Variants in MMP2 observed in about 807,000 individuals in gnomAD.
MMP2 encodes the protein matrix metallopeptidase 2.
MMP2 carries 39 observed loss-of-function variants against 74.8 expected under a neutral mutation model. That is an observed-to-expected ratio of 0.52 (90% CI 0.40 to 0.68). MMP2 has a LOEUF of 0.68. Among genes scored for constraint, MMP2 ranks in the 30% least tolerant of loss-of-function variants. MMP2 has a pLI of 0.00. For missense variants in MMP2, 803 were observed against 878.3 expected, an observed-to-expected ratio of 0.91 and a Z score of 1.08; for synonymous variants, 367 against 339.8, an observed-to-expected ratio of 1.08 and a Z score of -0.88.
chr16:55,499,678 G>A (rs1186977048), intron 11 of MMP2, among the ~76,000 whole-genome samples: 1 of 152,130 alleles, frequency 6.6e-6, no homozygotes, highest in Non-Finnish European at 1.5e-5. Flanking sequence ...GGAAACGGAG[G>A]TCCAAAGAAA....
At chr16:55,504,336 G>A (rs1962743239) in intron 12 of MMP2, among the ~76,000 whole-genome samples, 1 of 152,204 alleles carries the variant, frequency 6.6e-6, no homozygotes, top group Non-Finnish European at 1.5e-5. Context: ...AAACCCATCT[G>A]TGGGCCTGAC....
At chr16:55,493,112 G>A (rs1182324086) in intron 8 of MMP2, 46 bp from the exon 9 acceptor site, 3 of 1,611,112 alleles carry the variant, frequency 1.9e-6, no homozygotes, top group Admixed American at 3.3e-5. Context: ...CTAGTGGGGA[G>A]AACCTCTGGA....
intron 4 of MMP2, 78 bp from the exon 5 acceptor site, chr16:55,485,526 C>T (rs1368710655): frequency 6.2e-7 from 1 of 1,610,938 alleles, no homozygotes; most frequent in East Asian, 2.2e-5. Context: ...GAAAGTCACA[C>T]ATCTGGGTGA....
In MMP2 at chr16:55,482,975, C is replaced by G; in HGVS notation, c.220C>G (p.Leu74Val). 1 of 1,614,214 alleles carries G rather than the reference C, an allele frequency of 6.2e-7. No individual in the cohort carries two copies. Among genetic ancestry groups the G allele is most frequent in the Non-Finnish European group, 8.5e-7 (1 of 1,180,034 alleles). Residue 74 changes from leucine to valine, a missense_variant, in exon 2 of 13, where the codon CTA (leucine) becomes GTA (valine). This residue lies in a region of MMP2 where 223 missense variants were observed against 232.8 expected (regional missense o/e 0.96). Coordinates refer to ENST00000219070, the MANE Select transcript of MMP2 (RefSeq NM_004530.6). Reference sequence around the variant, plus strand: ...CAACCTGTTTGTGCTGAAGGACACACTAAAGAAGATGCAGAAGTTCTTTGG... The same window carrying G: ...CAACCTGTTTGTGCTGAAGGACACAGTAAAGAAGATGCAGAAGTTCTTTGG... ...SCNLFVLKDTLKKMQKFFGLP... is the reference protein window; with the variant it reads ...SCNLFVLKDTVKKMQKFFGLP...
At chr16:55,480,774 A>G (rs1381689459) in intron 1 of MMP2, among the ~76,000 whole-genome samples, 3 of 152,164 alleles carry the variant, frequency 2.0e-5, no homozygotes, top group Non-Finnish European at 2.9e-5. Context: ...TCAGGAGGTG[A>G]CAACTACCCT....
rs145337551 is a variant in MMP2, at chr16:55,484,159, G to A, written c.524G>A (p.Arg175His). Reference protein sequence around the residue: ...GEADIMINFGRWEHGDGYPFD... With the variant: ...GEADIMINFGHWEHGDGYPFD... ...GCAGACATCATGATCAACTTTGGCC[G>A]CTGGGGTAGGCAGAAGATGGGGCAG... Residue 175 changes from arginine to histidine, a missense_variant, in exon 3 of 13, where the codon CGC becomes CAC. Coordinates refer to ENST00000219070, the MANE Select transcript of MMP2 (RefSeq NM_004530.6). 5.2e-5 allele frequency: 84 copies of A among 1,613,856 alleles called. No individual in the cohort carries two copies. The highest frequency in any genetic ancestry group is 2.0e-4 in the East Asian group (9 of 44,874).
In MMP2 at chr16:55,497,008, A is replaced by G. The variant is rs745340040; in HGVS notation, c.1555A>G (p.Lys519Glu). 6.2e-7 allele frequency: 1 copy of G among 1,614,154 alleles called. No homozygotes were observed. The highest frequency in any genetic ancestry group is 1.7e-5 in the Admixed American group (1 of 60,028). ...VATFWPELPE[K>E]IDAVYEAPQE... Reference sequence around the variant, plus strand: ...CACATTCTGGCCTGAGCTCCCGGAAAAGATTGATGCGGTATACGAGGCCCC... The same window carrying G: ...CACATTCTGGCCTGAGCTCCCGGAAGAGATTGATGCGGTATACGAGGCCCC... Residue 519 changes from lysine to glutamate, a missense_variant, in exon 10 of 13, where the codon AAG becomes GAG. This residue lies in a region of MMP2 where 555 missense variants were observed against 592.0 expected (regional missense o/e 0.94). Coordinates refer to ENST00000219070, the MANE Select transcript of MMP2 (RefSeq NM_004530.6).
rs1186320631 is a variant in MMP2, at chr16:55,485,292, G to A, written c.530-7G>A. On this transcript the variant is annotated splice_region_variant and splice_polypyrimidine_tract_variant and intron_variant, in intron 3 of 12. Transcript: ENST00000219070. ...AGCTAGACGCTAAGACCCAGTGTGT[G>A]TTTCAGAGCATGGCGATGGATACCC... 2 of 1,614,118 alleles carry A rather than the reference G, an allele frequency of 1.2e-6. No homozygotes were observed. Among genetic ancestry groups the A allele is most frequent in the South Asian group, 1.1e-5 (1 of 91,084 alleles).
At chr16:55,485,520 G>A in intron 4 of MMP2, 84 bp from the exon 5 acceptor site, 2 of 1,612,100 alleles carry the variant, frequency 1.2e-6, no homozygotes, top group Non-Finnish European at 1.7e-6. Flanking sequence ...GGGGAGGAAA[G>A]TCACACATCT....
At chr16:55,479,677 T>C (rs769373845) in intron 1 of MMP2, 45 bp downstream of exon 1, 2 of 1,612,578 alleles carry the variant, frequency 1.2e-6, no homozygotes, top group South Asian at 2.2e-5. Flanking sequence ...TAGACAAACT[T>C]CGGAGGCAAA....
At chr16:55,489,447 A>G (rs1424046536) in intron 6 of MMP2, among the ~76,000 whole-genome samples, 1 of 124,228 alleles carries the variant, frequency 8.0e-6, no homozygotes, top group African/African-American at 2.9e-5. Flanking sequence ...TCTCTGATCT[A>G]TTTCCCATCC....
chr16:55,493,062 G>T, intron 8 of MMP2, 96 bp from the exon 9 acceptor site: 2 of 1,490,890 alleles, frequency 1.3e-6, no homozygotes, highest in South Asian at 1.2e-5. Flanking sequence ...GATTTCTTCT[G>T]ACTCTTAGAT....
At chr16:55,490,605 A>G (rs1300722813) in intron 7 of MMP2, among the ~76,000 whole-genome samples, 1 of 152,240 alleles carries the variant, frequency 6.6e-6, no homozygotes, top group African/African-American at 2.4e-5. Context: ...CTGATGGCCC[A>G]TAATGGCCAG....
Position 55,491,852 on chromosome 16 carries a change from T to C in MMP2, c.1232T>C (p.Leu411Pro). ...CACGAGTTTGGCCACGCCATGGGGC[T>C]GGAGCACTCCCAAGACCCTGGGGCC... Reference protein sequence around the residue: ...AAHEFGHAMGLEHSQDPGALM... With the variant: ...AAHEFGHAMGPEHSQDPGALM... The change falls in exon 8 of 13, where the codon CTG becomes CCG. Residue 411 changes from leucine (L) to proline (P), a missense_variant. Around this residue, in one of 3 missense-constraint regions of MMP2, gnomAD observed 555 missense variants for 592.0 expected, o/e 0.94. Coordinates refer to ENST00000219070, the MANE Select transcript of MMP2 (RefSeq NM_004530.6). 1 of 1,614,192 alleles carries C rather than the reference T, an allele frequency of 6.2e-7. No homozygotes were observed. Among genetic ancestry groups the C allele is most frequent in the Admixed American group, 1.7e-5 (1 of 60,028 alleles).
At chr16:55,483,895 G>A (rs180832352) in intron 2 of MMP2, 121 bp from the exon 3 acceptor site, 4 of 1,033,186 alleles carry the variant, frequency 3.9e-6, no homozygotes, top group African/African-American at 3.1e-5. Context: ...GCATATACTT[G>A]TATGTTCACA....
Position 55,483,017 on chromosome 16 carries a change from G to A in MMP2, c.262G>A (p.Asp88Asn), listed in dbSNP as rs150045332. The A allele has an allele frequency of 2.5e-6, 4 of 1,614,092 alleles. No homozygotes were observed. The highest frequency in any genetic ancestry group is 3.4e-6 in the Non-Finnish European group (4 of 1,180,044). ...QKFFGLPQTG[D>N]LDQNTIETMR... is the part of the protein sequence containing the mutation. Reference sequence around the variant, plus strand: ...GTTCTTTGGACTGCCCCAGACAGGTGATCTTGACCAGAATACCATCGAGAC... The same window carrying A: ...GTTCTTTGGACTGCCCCAGACAGGTAATCTTGACCAGAATACCATCGAGAC... Residue 88 changes from aspartate (D) to asparagine (N), a missense_variant, in exon 2 of 13, where the codon GAT (aspartate) becomes AAT (asparagine). Asp to Asn is a conservative substitution (Grantham distance 23, BLOSUM62 1). Coordinates refer to ENST00000219070, the MANE Select transcript of MMP2 (RefSeq NM_004530.6).
intron 6 of MMP2, 73 bp downstream of exon 6, chr16:55,488,789 C>G (rs1257740797): frequency 6.8e-7 from 1 of 1,476,170 alleles, no homozygotes; most frequent in Non-Finnish European, 9.2e-7. Context: ...CCATAAGACT[C>G]CGAGTGCCCA....
intron 7 of MMP2, among the ~76,000 whole-genome samples, chr16:55,490,257 G>C (rs1176101897): frequency 1.3e-5 from 2 of 152,212 alleles, no homozygotes; most frequent in African/African-American, 4.8e-5. Context: ...CAAGGAGCTG[G>C]TAGGCAGTAG....
intron 2 of MMP2, among the ~76,000 whole-genome samples, chr16:55,483,608 C>T (rs1962163781): frequency 6.6e-6 from 1 of 152,180 alleles, no homozygotes. Context: ...GGGCCAAGAG[C>T]TGTGCTCTGT....
Sources: allele counts gnomAD v4.1 joint callset (sites outside exome capture counted in the v4.1 genomes callset), GRCh38; gene constraint gnomAD v4.1.1; regional missense constraint gnomAD v4.1.1; transcripts MANE v1.5; gene names NCBI Gene and HGNC (gene_info 2026-07-23, HGNC 2026-07-21).